The following CFAP97D2 variants were observed in gnomAD, a reference collection of about 807,000 sequenced individuals.
The protein encoded by CFAP97D2 is uncharacterized protein CFAP97D2.
At chr13:114,192,563 A>G (rs1365474424) in intron 1 of CFAP97D2, among the ~76,000 whole-genome samples, 2 of 152,208 alleles carry the variant, frequency 1.3e-5, no homozygotes, top group African/African-American at 2.4e-5. Context: ...AGAAAATCCA[A>G]TCCTGCTTAA....
At chr13:114,182,399 C>T (rs892150096) in intron 1 of CFAP97D2, among the ~76,000 whole-genome samples, 2 of 152,024 alleles carry the variant, frequency 1.3e-5, no homozygotes, top group Non-Finnish European at 2.9e-5. Context: ...ACATTCAGTT[C>T]CCAGGGGCAG....
chr13:114,203,820 T>C lies in CFAP97D2; in HGVS notation c.290+3377T>C, dbSNP rs9562147. 0.08 allele frequency among the ~76,000 whole-genome samples: 12,124 copies of C among 152,208 alleles called. 855 individuals carry two copies. The highest frequency in any genetic ancestry group is 0.36 in the East Asian group (1,839 of 5,154). The stretch of plus-strand genomic sequence containing the variant: ...CCCTCATCTGCACAAAAGCATCTGG[T>C]GTAAACACTTGTCAGATGGGGCAGA... On this transcript the variant is annotated intron_variant, in intron 3 of 4. Transcript: ENST00000646158. The surrounding 1 kb of genome is among the most constrained non-coding windows in gnomAD (Gnocchi z 4.3).
chr13:114,217,644 G>A (rs1477018002), intron 4 of CFAP97D2, among the ~76,000 whole-genome samples: 7 of 152,120 alleles, frequency 4.6e-5, no homozygotes, highest in Non-Finnish European at 8.8e-5. Context: ...CTGGCAAACC[G>A]AATCCAGCAG....
intron 4 of CFAP97D2, chr13:114,212,111 C>A: frequency 2.5e-6 from 1 of 398,584 alleles, no homozygotes; most frequent in Non-Finnish European, 4.4e-6. Flanking sequence ...GGTACCCGCA[C>A]CTTCTTTTTC....
At position 114,185,730 on chromosome 13, in the gene CFAP97D2, A is replaced by G. The variant is rs994893306; in HGVS notation, c.90+6310A>G. Reference sequence around the variant, plus strand: ...CTGGGTGTGCCCACACTTAGGGCAGAAGTGACATGCCAGCCCCTTGCCACC... The same window carrying G: ...CTGGGTGTGCCCACACTTAGGGCAGGAGTGACATGCCAGCCCCTTGCCACC... On this transcript the variant is annotated intron_variant, in intron 1 of 4. Transcript: ENST00000646158. The surrounding 1 kb of genome is among the most constrained non-coding windows in gnomAD (Gnocchi z 5.2). Among the ~76,000 whole-genome samples the G allele has an allele frequency of 1.2e-4, 19 of 152,248 alleles. No individual in the cohort carries two copies. The highest frequency in any genetic ancestry group is 4.6e-4 in the African/African-American group (19 of 41,474).
At chr13:114,191,493 A>G (rs1392384593) in intron 1 of CFAP97D2, among the ~76,000 whole-genome samples, 1 of 152,266 alleles carries the variant, frequency 6.6e-6, no homozygotes, top group Non-Finnish European at 1.5e-5. Context: ...AAGAAAATAT[A>G]TAGGTGGCAA....
At chr13:114,192,714 A>G (rs1041293066) in intron 1 of CFAP97D2, among the ~76,000 whole-genome samples, 1 of 152,254 alleles carries the variant, frequency 6.6e-6, no homozygotes, top group Non-Finnish European at 1.5e-5. Flanking sequence ...ATATGAAGAC[A>G]AAAACATTCA....
chr13:114,180,622 G>A (rs902914626), intron 1 of CFAP97D2, among the ~76,000 whole-genome samples: 1 of 152,182 alleles, frequency 6.6e-6, no homozygotes, highest in African/African-American at 2.4e-5. Context: ...TGCTGACCAC[G>A]TCCTGCCCAC....
chr13:114,212,896 A>C (rs2080974488), intron 4 of CFAP97D2, among the ~76,000 whole-genome samples: 1 of 152,160 alleles, frequency 6.6e-6, no homozygotes, highest in Admixed American at 6.5e-5. Context: ...AAAAAGAAAA[A>C]AAGAAATCAT....
Position 114,211,766 on chromosome 13 carries a change from C to T in CFAP97D2, c.291-146C>T, listed in dbSNP as rs893461833. On this transcript the variant is annotated intron_variant, in intron 3 of 4. Transcript: ENST00000646158. The surrounding 1 kb of genome is among the most constrained non-coding windows in gnomAD (Gnocchi z 4.2). ...GCTCCCACTCCAGCACCTGGAGAAC[C>T]GGTTTCTTAAATGTTGGTTCAGTGG... is the stretch of plus-strand genomic sequence containing the variant. 2.4e-4 allele frequency: 96 copies of T among 396,482 alleles called. No individual in the cohort carries two copies. The highest frequency in any genetic ancestry group is 1.8e-3 in the African/African-American group (87 of 48,728). The allele number at this position is 396,482 out of a possible 1,614,324, so 24.6% of individuals were successfully genotyped here. A position where few individuals can be genotyped will look rare whatever the true frequency, so the allele number is the denominator to read the frequency against.
chr13:114,185,392 C>G lies in CFAP97D2; in HGVS notation c.90+5972C>G, dbSNP rs1463764127. ...GGGGCCCAGTGGGGACCTGGAACCC[C>G]CACCCCGGCTGTGAGGAGGCATGGC... On this transcript the variant is annotated intron_variant, in intron 1 of 4. Coordinates refer to ENST00000646158, the Ensembl canonical transcript of CFAP97D2. This position sits in a 1 kb window ranked among gnomAD's most constrained non-coding sequence, Gnocchi z 5.2. 6.6e-6 allele frequency among the ~76,000 whole-genome samples: 1 copy of G among 152,170 alleles called. No homozygotes were observed. Among genetic ancestry groups the G allele is most frequent in the Non-Finnish European group, 1.5e-5 (1 of 68,006 alleles).
chr13:114,184,643 C>T (rs566684931), intron 1 of CFAP97D2, among the ~76,000 whole-genome samples: 1 of 152,288 alleles, frequency 6.6e-6, no homozygotes, highest in South Asian at 2.1e-4. Flanking sequence ...AATTATCTGT[C>T]ACAAGTGAAG....
At chr13:114,182,238 G>A (rs7329370) in intron 1 of CFAP97D2, among the ~76,000 whole-genome samples, 25,746 of 147,558 alleles carry the variant, frequency 0.17, 2,604 homozygotes, top group African/African-American at 0.23. Context: ...TGTGCACGTA[G>A]GCCAGATTTA....
intron 3 of CFAP97D2, among the ~76,000 whole-genome samples, chr13:114,208,358 C>T (rs2080950925): frequency 6.6e-6 from 1 of 152,160 alleles, no homozygotes; most frequent in Non-Finnish European, 1.5e-5. Context: ...GTCATAGACT[C>T]CTGAAAGCAG....
In CFAP97D2 at chr13:114,211,542, C is replaced by T. The variant is rs1249647637; in HGVS notation, c.291-370C>T. Among the ~76,000 whole-genome samples the T allele has an allele frequency of 2.6e-5, 4 of 151,418 alleles. No homozygotes were observed. The highest frequency in any genetic ancestry group is 7.3e-5 in the African/African-American group (3 of 41,012). ...GACCCTGCTCTCCGCCATGGGTGCCCGGGTGCTCGCCCTCCCTGCCTGGGA... is the reference window on the plus strand; with the variant it reads ...GACCCTGCTCTCCGCCATGGGTGCCTGGGTGCTCGCCCTCCCTGCCTGGGA... On this transcript the variant is annotated intron_variant, in intron 3 of 4. Coordinates refer to ENST00000646158, the Ensembl canonical transcript of CFAP97D2. This position sits in a 1 kb window ranked among gnomAD's most constrained non-coding sequence, Gnocchi z 4.2.
Position 114,203,365 on chromosome 13 carries a change from A to C in CFAP97D2, c.290+2922A>C, listed in dbSNP as rs955279991. ...CTTAGGAATAAACAAAGGAAGTACAAAATTTATACTCCAAAAACTACAAAC... is the reference window on the plus strand; with the variant it reads ...CTTAGGAATAAACAAAGGAAGTACACAATTTATACTCCAAAAACTACAAAC... On this transcript the variant is annotated intron_variant, in intron 3 of 4. Coordinates refer to ENST00000646158, the Ensembl canonical transcript of CFAP97D2. This position sits in a 1 kb window ranked among gnomAD's most constrained non-coding sequence, Gnocchi z 4.3. 1.3e-5 allele frequency among the ~76,000 whole-genome samples: 2 copies of C among 152,244 alleles called. No homozygotes were observed. The highest frequency in any genetic ancestry group is 2.9e-5 in the Non-Finnish European group (2 of 68,038).
At chr13:114,222,726 C>T (rs895671932), downstream of CFAP97D2, 18 of 390,576 alleles carry the variant, frequency 4.6e-5, no homozygotes, top group East Asian at 1.5e-4. The surrounding 1 kb of genome is among the most constrained non-coding windows in gnomAD (Gnocchi z 4.4). Flanking sequence ...AGGGCAGCCC[C>T]GCTGTCTTCC....
In CFAP97D2 at chr13:114,179,781, CTTTT is replaced by C. The variant is rs1477377963; in HGVS notation, c.90+363_90+366del. Among the ~76,000 whole-genome samples the C allele has an allele frequency of 5.3e-5, 8 of 152,048 alleles. No individual in the cohort carries two copies. The highest frequency in any genetic ancestry group is 9.7e-5 in the African/African-American group (4 of 41,424). The stretch of plus-strand genomic sequence containing the variant: ...CAGAAGCATCCTTTTCTTTTTCTTT[CTTTT>C]TGTTTTTTGTTTTTGTTTTTGTTTT... On this transcript the variant is annotated intron_variant, in intron 1 of 4. Coordinates refer to ENST00000646158, the Ensembl canonical transcript of CFAP97D2. This position sits in a 1 kb window ranked among gnomAD's most constrained non-coding sequence, Gnocchi z 4.8.
At chr13:114,214,455 G>A (rs1197860198) in intron 4 of CFAP97D2, among the ~76,000 whole-genome samples, 2 of 152,170 alleles carry the variant, frequency 1.3e-5, no homozygotes, top group African/African-American at 4.8e-5. Flanking sequence ...ACCATAAAAT[G>A]TCAAACAGTA....
Sources: gnomAD v4.1 joint callset for allele counts (sites outside exome capture counted in the v4.1 genomes callset) on GRCh38, gnomAD v4.1.1 for gene constraint, Gnocchi (gnomAD v3.1) non-coding constraint, MANE v1.5 for transcripts, NCBI Gene and HGNC (gene_info 2026-07-23, HGNC 2026-07-21) for gene names.